Variants in UBE2QL1 observed in about 807,000 individuals in gnomAD.
UBE2QL1 encodes the protein ubiquitin-conjugating enzyme E2Q-like protein 1.
Under a neutral mutation model 12.6 loss-of-function variants are expected in UBE2QL1, and 5 were observed. The ratio of observed to expected loss-of-function variants is 0.40; its 90% CI spans 0.21 to 0.83. UBE2QL1 has a LOEUF of 0.83. Among genes scored for constraint, UBE2QL1 ranks in the 40% least tolerant of loss-of-function variants. The pLI, the probability that UBE2QL1 is intolerant of heterozygous loss-of-function variation, is 0.37. For missense variants in UBE2QL1, 99 were observed against 222.6 expected (o/e 0.44, Z 3.53); for synonymous variants, 96 against 94.5 (o/e 1.02, Z -0.10).
intron 1 of UBE2QL1, among the ~76,000 whole-genome samples, chr5:6,464,715 G>T (rs923441177): frequency 2.6e-5 from 4 of 152,234 alleles, no homozygotes. Flanking sequence ...GTGACACCGG[G>T]TGCCTCAGGT....
chr5:6,484,354 T>A (rs272454), intron 1 of UBE2QL1, among the ~76,000 whole-genome samples: 7 of 152,104 alleles, frequency 4.6e-5, no homozygotes, highest in East Asian at 3.9e-4. Flanking sequence ...GGGCCCCTCC[T>A]CAGGCCCTGG....
chr5:6,488,811 A>AG (rs1579303781), intron 1 of UBE2QL1, among the ~76,000 whole-genome samples: 1 of 141,520 alleles, frequency 7.1e-6, no homozygotes, highest in East Asian at 1.9e-4. Context: ...CTCAAGAAAA[A>AG]AAAAAAGAAG....
intron 1 of UBE2QL1, among the ~76,000 whole-genome samples, chr5:6,483,228 G>T (rs1475264996): frequency 6.6e-6 from 1 of 152,138 alleles, no homozygotes; most frequent in South Asian, 2.1e-4. Flanking sequence ...TCAAGGTCAG[G>T]AGTTCAAGAC....
At chr5:6,471,696 C>T (rs1223827243) in intron 1 of UBE2QL1, among the ~76,000 whole-genome samples, 1 of 152,188 alleles carries the variant, frequency 6.6e-6, no homozygotes, top group Non-Finnish European at 1.5e-5. Context: ...GGTAGGAGGT[C>T]AAACAGGGAG....
rs533953288 is a variant in UBE2QL1 at position 6,449,022 on chromosome 5, C to G, written c.129C>G (p.Asp43Glu). ...ACAAGGACTCGGTGCTGTGGCAGGA[C>G]ATGAAGGAGACCAACACCGAGTTCA... ...QVDKDSVLWQDMKETNTEFIL... is the reference protein window; with the variant it reads ...QVDKDSVLWQEMKETNTEFIL... The change falls in exon 1 of 2, where the codon GAC (aspartate) becomes GAG (glutamate). Residue 43 changes from aspartate to glutamate, a missense_variant. Coordinates refer to ENST00000399816, the MANE Select transcript of UBE2QL1 (RefSeq NM_001145161.3). The G allele has an allele frequency of 6.5e-7, 1 of 1,549,350 alleles. No individual in the cohort carries two copies. Among genetic ancestry groups the G allele is most frequent in the Non-Finnish European group, 8.7e-7 (1 of 1,146,054 alleles).
At chr5:6,469,543 A>G (rs1342795939) in intron 1 of UBE2QL1, among the ~76,000 whole-genome samples, 1 of 146,668 alleles carries the variant, frequency 6.8e-6, no homozygotes, top group Non-Finnish European at 1.5e-5. Context: ...TCCTTAGATT[A>G]TACATATATA....
In UBE2QL1 at chr5:6,494,222, GGTCT is replaced by G. The variant is rs1199687403; in HGVS notation, c.*2880_*2883del. On this transcript the variant is annotated 3_prime_UTR_variant, in exon 2 of 2. Transcript: ENST00000399816. ...CCACTGCTGGGTAAGGCCTGCACATGGTCTGTCTGTAACTTTCTAGAAGACTGAG... is the reference window on the plus strand; with the variant it reads ...CCACTGCTGGGTAAGGCCTGCACATGGTCTGTAACTTTCTAGAAGACTGAG... 6.6e-6 allele frequency: 1 copy of G among 152,126 alleles called. No homozygotes were observed. The highest frequency in any genetic ancestry group is 1.5e-5 in the Non-Finnish European group (1 of 68,048). 9.4% of individuals were successfully genotyped at this position (152,126 alleles called of 1,614,324 possible).
At chr5:6,456,672 G>A (rs984609320) in intron 1 of UBE2QL1, among the ~76,000 whole-genome samples, 2 of 152,226 alleles carry the variant, frequency 1.3e-5, no homozygotes, top group South Asian at 2.1e-4. Flanking sequence ...CCCATTCTGC[G>A]TAACGTCTGC....
chr5:6,472,357 A>G (rs537275334), intron 1 of UBE2QL1, among the ~76,000 whole-genome samples: 71 of 152,194 alleles, frequency 4.7e-4, no homozygotes, highest in Non-Finnish European at 7.8e-4. Flanking sequence ...GAGCCTCGGT[A>G]TGTGGATTGT....
chr5:6,449,869 C>G (rs1368576400), intron 1 of UBE2QL1, among the ~76,000 whole-genome samples: 1 of 37,868 alleles, frequency 2.6e-5, no homozygotes, highest in African/African-American at 6.4e-5. Context: ...ACCTCCCCAA[C>G]CCCCCCCACA....
intron 1 of UBE2QL1, among the ~76,000 whole-genome samples, chr5:6,452,126 T>A (rs1451480166): frequency 6.6e-6 from 1 of 152,232 alleles, no homozygotes; most frequent in Non-Finnish European, 1.5e-5. Flanking sequence ...GAGGATACGC[T>A]GTTTCTATAC....
intron 1 of UBE2QL1, among the ~76,000 whole-genome samples, chr5:6,480,390 G>A (rs1214141951): frequency 6.6e-6 from 1 of 152,174 alleles, no homozygotes; most frequent in Non-Finnish European, 1.5e-5. Flanking sequence ...ACAGGGCCTG[G>A]CTCAGACAGC....
chr5:6,449,353 ATCTCGCT>A, intron 1 of UBE2QL1, 106 bp downstream of exon 1: 1 of 1,114,778 alleles, frequency 9.0e-7, no homozygotes, highest in Non-Finnish European at 1.1e-6. Context: ...CCCTCCGGCC[ATCTCGCT>A]CCCTGCTCTG....
intron 1 of UBE2QL1, among the ~76,000 whole-genome samples, chr5:6,466,553 G>A (rs1389828793): frequency 6.6e-6 from 1 of 152,254 alleles, no homozygotes. Context: ...CCTGCGCCTA[G>A]TAAGCGCTCA....
At chr5:6,460,194 C>T (rs552721237) in intron 1 of UBE2QL1, among the ~76,000 whole-genome samples, 3 of 152,152 alleles carry the variant, frequency 2.0e-5, no homozygotes, top group Non-Finnish European at 4.4e-5. Flanking sequence ...CAGGCACCCA[C>T]CTCCCTGAGC....
intron 1 of UBE2QL1, among the ~76,000 whole-genome samples, chr5:6,469,375 A>G (rs940304623): frequency 2.0e-5 from 3 of 150,704 alleles, no homozygotes; most frequent in African/African-American, 2.4e-5. Context: ...ATATATATGT[A>G]TATGAACATA....
chr5:6,454,392 C>G (rs1739474320), intron 1 of UBE2QL1, among the ~76,000 whole-genome samples: 1 of 152,150 alleles, frequency 6.6e-6, no homozygotes, highest in Non-Finnish European at 1.5e-5. Context: ...TGTAAGAACA[C>G]AGTCAGATTG....
chr5:6,469,841 GC>G (rs1377967798), intron 1 of UBE2QL1, among the ~76,000 whole-genome samples: 1 of 152,062 alleles, frequency 6.6e-6, no homozygotes, highest in Non-Finnish European at 1.5e-5. Flanking sequence ...ACTTTGATCT[GC>G]CCTCATGACG....
rs754344718 is a variant in UBE2QL1, at chr5:6,491,211, C to CA, written c.355-6dup. On this transcript the variant is annotated splice_polypyrimidine_tract_variant and splice_region_variant and intron_variant, in intron 1 of 1. Transcript: ENST00000399816. ...TCTAACCTGGTTTTTCTTCTCATCT[C>CA]ACGCAGGGACGGATCTGTAGAAAAG... 1.1e-4 allele frequency: 175 copies of CA among 1,532,820 alleles called. No homozygotes were observed. The highest frequency in any genetic ancestry group is 1.3e-4 in the Non-Finnish European group (145 of 1,140,668). The allele number at this position is 1,532,820 out of a possible 1,614,324, so 95.0% of individuals were successfully genotyped here.
Sources: gnomAD v4.1 joint callset for allele counts (sites outside exome capture counted in the v4.1 genomes callset) on GRCh38, gnomAD v4.1.1 for gene constraint, MANE v1.5 for transcripts, NCBI Gene and HGNC (gene_info 2026-07-23, HGNC 2026-07-21) for gene names.